NPAS3: variants seen among roughly 807,000 people sequenced by gnomAD.
NPAS3 encodes the protein neuronal PAS domain protein 3.
NPAS3 carries 14 observed loss-of-function variants against 73.1 expected under a neutral mutation model. The ratio of observed to expected loss-of-function variants is 0.19; its 90% CI spans 0.13 to 0.30. The LOEUF (loss-of-function observed/expected upper bound fraction) is 0.30. NPAS3 is among the 10% of genes least tolerant of loss of function. NPAS3 has a pLI of 1.00. For synonymous variants in NPAS3, 620 were observed against 541.5 expected (o/e 1.14, Z -2.01); for missense variants, 1,096 against 1,250.0 (o/e 0.88, Z 1.86).
At chr14:33,158,483 C>T (rs1397970245) in intron 2 of NPAS3, among the ~76,000 whole-genome samples, 1 of 151,836 alleles carries the variant, frequency 6.6e-6, no homozygotes, top group Non-Finnish European at 1.5e-5. Context: ...GTGGGGCAGA[C>T]AAGAAATTTG....
intron 6 of NPAS3, among the ~76,000 whole-genome samples, chr14:33,676,781 A>G (rs1448552321): frequency 6.6e-6 from 1 of 152,258 alleles, no homozygotes; most frequent in Non-Finnish European, 1.5e-5. Context: ...GAGAATTAAA[A>G]GTATCAGGGA....
intron 4 of NPAS3, among the ~76,000 whole-genome samples, chr14:33,454,665 G>A (rs1362232609): frequency 6.6e-6 from 1 of 152,184 alleles, no homozygotes; most frequent in East Asian, 1.9e-4. Context: ...GCTGCAAAGG[G>A]TCTTAGGGTC....
intron 6 of NPAS3, among the ~76,000 whole-genome samples, chr14:33,710,568 CA>C (rs1214308297): frequency 3.3e-5 from 5 of 152,140 alleles, no homozygotes; most frequent in Non-Finnish European, 7.3e-5. Flanking sequence ...ACGAATGGCT[CA>C]GTCTCATCAG....
intron 5 of NPAS3, chr14:33,608,685 A>G (rs948407437): frequency 7.2e-5 from 11 of 152,108 alleles, no homozygotes; most frequent in African/African-American, 2.2e-4. Context: ...GTGCAGGTTT[A>G]TTAAATAGGT....
intron 3 of NPAS3, among the ~76,000 whole-genome samples, chr14:33,273,817 G>A (rs891274708): frequency 1.4e-4 from 21 of 152,156 alleles, no homozygotes; most frequent in African/African-American, 5.1e-4. Flanking sequence ...TGCATGGCAT[G>A]TGGTAAGCAG....
chr14:33,426,226 A>C (rs904900637), intron 4 of NPAS3, among the ~76,000 whole-genome samples: 5 of 152,108 alleles, frequency 3.3e-5, no homozygotes, highest in African/African-American at 1.2e-4. Flanking sequence ...CATGTTAAGA[A>C]GAAAGCATGA....
At chr14:33,162,975 G>C (rs1288624928) in intron 2 of NPAS3, among the ~76,000 whole-genome samples, 1 of 152,096 alleles carries the variant, frequency 6.6e-6, no homozygotes, top group Non-Finnish European at 1.5e-5. Context: ...ACAGATCTTT[G>C]AAATCATTAC....
intron 7 of NPAS3, among the ~76,000 whole-genome samples, chr14:33,750,818 GATA>G (rs1031463086): frequency 2.6e-5 from 4 of 152,148 alleles, no homozygotes; most frequent in African/African-American, 9.7e-5. Flanking sequence ...ACAAAGAAAT[GATA>G]ATGAGATAAT....
At chr14:33,341,052 G>C (rs2044454947) in intron 3 of NPAS3, among the ~76,000 whole-genome samples, 1 of 152,206 alleles carries the variant, frequency 6.6e-6, no homozygotes, top group African/African-American at 2.4e-5. Context: ...TAGTTGAACT[G>C]TGCCAAACTC....
Position 33,560,237 on chromosome 14 carries a change from G to A in NPAS3, c.558+27G>A, listed in dbSNP as rs200094649. 140 of 846,168 alleles carry A rather than the reference G, an allele frequency of 1.7e-4. No individual in the cohort carries two copies. In the African/African-American group the frequency reaches 2.1e-3, roughly 13 times the overall value. 52.4% of individuals were successfully genotyped at this position (846,168 alleles called of 1,614,324 possible). A position where few individuals can be genotyped will look rare whatever the true frequency, so the allele number is the denominator to read the frequency against. ...TAAGTAAAACAATTTTAGATTCTTGGCAGCGATTATGAAGCCTTCTTCAGC... is the reference window on the plus strand; with the variant it reads ...TAAGTAAAACAATTTTAGATTCTTGACAGCGATTATGAAGCCTTCTTCAGC... On this transcript the variant is annotated intron_variant, in intron 5 of 11. Coordinates refer to ENST00000356141, the Ensembl canonical transcript of NPAS3.
At chr14:33,581,231 G>A (rs1013069491) in intron 5 of NPAS3, among the ~76,000 whole-genome samples, 2 of 152,196 alleles carry the variant, frequency 1.3e-5, no homozygotes, top group Non-Finnish European at 2.9e-5. Flanking sequence ...AGCCAAAGGT[G>A]TTGAATAAAG....
chr14:33,263,596 A>G (rs373338839), intron 3 of NPAS3, among the ~76,000 whole-genome samples: 3 of 152,060 alleles, frequency 2.0e-5, no homozygotes, highest in Admixed American at 6.6e-5. Context: ...TTGACTTGGC[A>G]ATGCAGGCTC....
chr14:33,768,378 C>G (rs957398463), intron 7 of NPAS3, among the ~76,000 whole-genome samples: 1 of 152,128 alleles, frequency 6.6e-6, no homozygotes, highest in Non-Finnish European at 1.5e-5. Flanking sequence ...GATTTAAGAC[C>G]AGATTAAGAT....
intron 6 of NPAS3, among the ~76,000 whole-genome samples, chr14:33,701,601 G>A (rs1032031091): frequency 6.6e-6 from 1 of 152,104 alleles, no homozygotes; most frequent in Non-Finnish European, 1.5e-5. Context: ...TAGAGAGTGG[G>A]GAAAATGTTA....
At position 32,983,006 on chromosome 14, in the gene NPAS3, T is replaced by C. The variant is rs552734717; in HGVS notation, c.50+43640T>C. Among the ~76,000 whole-genome samples, 5 of 152,258 alleles carry C rather than the reference T, an allele frequency of 3.3e-5. No homozygotes were observed. The East Asian group carries it at 9.6e-4, about 29-fold the overall frequency. On this transcript the variant is annotated intron_variant, in intron 1 of 11. Coordinates refer to ENST00000356141, the Ensembl canonical transcript of NPAS3. Reference sequence around the variant, plus strand: ...TAGCATGGCATGCAATTATAAGTTATCTTAAGTGAAGATGAAAGGAAAAAA... The same window carrying C: ...TAGCATGGCATGCAATTATAAGTTACCTTAAGTGAAGATGAAAGGAAAAAA...
intron 4 of NPAS3, among the ~76,000 whole-genome samples, chr14:33,557,205 T>C (rs901214393): frequency 1.2e-4 from 19 of 152,294 alleles, no homozygotes; most frequent in African/African-American, 3.8e-4. Context: ...TGAAAGGCTC[T>C]ATCAGAAAAG....
At chr14:33,160,955 T>C (rs2044856726) in intron 2 of NPAS3, among the ~76,000 whole-genome samples, 1 of 152,164 alleles carries the variant, frequency 6.6e-6, no homozygotes, top group Non-Finnish European at 1.5e-5. Context: ...ATTGGAGAAA[T>C]ATGGTACTGA....
At chr14:33,334,896 G>A (rs924968414) in intron 3 of NPAS3, among the ~76,000 whole-genome samples, 4 of 151,982 alleles carry the variant, frequency 2.6e-5, no homozygotes, top group African/African-American at 7.2e-5. Flanking sequence ...CTTAGCTGCC[G>A]CATGTGAGTG....
chr14:32,989,666 AC>A (rs59869178), intron 1 of NPAS3, among the ~76,000 whole-genome samples: 21,259 of 117,762 alleles, frequency 0.18, 1,497 homozygotes, highest in African/African-American at 0.25. Context: ...AACAACAACA[AC>A]AACAAAACAA....
Sources: gnomAD v4.1 joint callset for allele counts (sites outside exome capture counted in the v4.1 genomes callset) on GRCh38, gnomAD v4.1.1 for gene constraint, MANE v1.5 for transcripts, NCBI Gene and HGNC (gene_info 2026-07-23, HGNC 2026-07-21) for gene names.